The following PXDNL variants were observed in gnomAD, a reference collection of about 807,000 sequenced individuals.
PXDNL encodes peroxidasin like.
PXDNL carries 145 observed loss-of-function variants against 150.8 expected under a neutral mutation model. The ratio of observed to expected loss-of-function variants is 0.96; its 90% CI spans 0.84 to 1.10. The LOEUF is 1.10. Among genes scored for constraint, PXDNL ranks in the 50% least tolerant of loss-of-function variants. The pLI is 0.00. For synonymous variants in PXDNL, 757 were observed against 725.7 expected (o/e 1.04, Z -0.69); for missense variants, 2,087 against 1,873.9 (o/e 1.11, Z -2.10).
At chr8:51,743,713 G>C (rs1218297029) in intron 1 of PXDNL, among the ~76,000 whole-genome samples, 1 of 151,878 alleles carries the variant, frequency 6.6e-6, no homozygotes, top group African/African-American at 2.4e-5. Context: ...GAAATGGTTT[G>C]ACCATTTGGT....
chr8:51,383,008 C>A (rs924429609), intron 17 of PXDNL, among the ~76,000 whole-genome samples: 5 of 152,188 alleles, frequency 3.3e-5, no homozygotes, highest in African/African-American at 1.2e-4. Context: ...CTCACCACAG[C>A]AGCTCCAAGA....
At chr8:51,714,460 C>T (rs529478758) in intron 1 of PXDNL, among the ~76,000 whole-genome samples, 2 of 152,086 alleles carry the variant, frequency 1.3e-5, no homozygotes, top group East Asian at 3.9e-4. Context: ...GCTCTCTGTG[C>T]TTTTAATTTA....
chr8:51,350,679 C>T (rs1411882360), intron 19 of PXDNL, among the ~76,000 whole-genome samples: 1 of 152,158 alleles, frequency 6.6e-6, no homozygotes, highest in Admixed American at 6.5e-5. Context: ...TACCTGGCAG[C>T]GGCCATGACA....
intron 1 of PXDNL, among the ~76,000 whole-genome samples, chr8:51,754,649 G>A (rs970315342): frequency 5.9e-5 from 9 of 151,906 alleles, no homozygotes; most frequent in African/African-American, 1.7e-4. Context: ...GACTACAGGC[G>A]CCCGCCACCA....
intron 1 of PXDNL, among the ~76,000 whole-genome samples, chr8:51,804,080 T>C (rs892226805): frequency 1.3e-5 from 2 of 152,164 alleles, no homozygotes; most frequent in Non-Finnish European, 2.9e-5. Flanking sequence ...TAGAGCACAA[T>C]TCGGTTTTAT....
intron 21 of PXDNL, among the ~76,000 whole-genome samples, chr8:51,325,380 C>T (rs1477059652): frequency 6.6e-6 from 1 of 152,206 alleles, no homozygotes; most frequent in Non-Finnish European, 1.5e-5. Context: ...CACATCATTA[C>T]TGCCATGTGG....
At chr8:51,635,677 G>T (rs1219798129) in intron 2 of PXDNL, among the ~76,000 whole-genome samples, 1 of 151,796 alleles carries the variant, frequency 6.6e-6, no homozygotes, top group Non-Finnish European at 1.5e-5. Context: ...TCTGAGTGGG[G>T]GGCGAAGTAC....
intron 1 of PXDNL, among the ~76,000 whole-genome samples, chr8:51,717,743 G>A (rs1011828939): frequency 6.6e-6 from 1 of 152,228 alleles, no homozygotes; most frequent in Non-Finnish European, 1.5e-5. Flanking sequence ...GGCCTCATTG[G>A]CCCAACCTTT....
chr8:51,439,250 A>G (rs1036180285), intron 12 of PXDNL, among the ~76,000 whole-genome samples: 2 of 152,190 alleles, frequency 1.3e-5, no homozygotes, highest in African/African-American at 4.8e-5. Context: ...CAATCCATCA[A>G]AAAGTGGTCT....
intron 1 of PXDNL, among the ~76,000 whole-genome samples, chr8:51,680,985 A>G (rs1365709055): frequency 4.8e-5 from 1 of 20,946 alleles, no homozygotes; most frequent in Non-Finnish European, 8.1e-5. Flanking sequence ...TCAGTGGGAC[A>G]TGTTGTGGTT....
chr8:51,399,274 G>A (rs976472387), intron 17 of PXDNL, among the ~76,000 whole-genome samples: 3 of 152,122 alleles, frequency 2.0e-5, no homozygotes, highest in South Asian at 2.1e-4. Flanking sequence ...ACAAAAAGAC[G>A]TGCATGTAAG....
At chr8:51,508,500 A>G (rs1811338466) in intron 4 of PXDNL, among the ~76,000 whole-genome samples, 1 of 152,124 alleles carries the variant, frequency 6.6e-6, no homozygotes, top group Admixed American at 6.6e-5. Flanking sequence ...CCTGGCTTCC[A>G]GGATGCCATC....
intron 2 of PXDNL, among the ~76,000 whole-genome samples, chr8:51,628,648 C>T (rs1270034627): frequency 6.6e-6 from 1 of 151,660 alleles, no homozygotes; most frequent in Non-Finnish European, 1.5e-5. Flanking sequence ...TGTGATCCAC[C>T]CACCTTGGCC....
chr8:51,650,752 A>G (rs1323406002), intron 2 of PXDNL, among the ~76,000 whole-genome samples: 1 of 152,228 alleles, frequency 6.6e-6, no homozygotes, highest in Non-Finnish European at 1.5e-5. Context: ...TTGAACAGCA[A>G]AAGTGAGAAT....
At chr8:51,477,877 T>C (rs759708688) in intron 6 of PXDNL, among the ~76,000 whole-genome samples, 28 of 152,178 alleles carry the variant, frequency 1.8e-4, no homozygotes, top group Non-Finnish European at 3.1e-4. Flanking sequence ...ATTTCATTTC[T>C]TTCTAATTAT....
At chr8:51,337,614 C>T (rs753067503) in intron 21 of PXDNL, among the ~76,000 whole-genome samples, 1 of 152,202 alleles carries the variant, frequency 6.6e-6, no homozygotes, top group East Asian at 1.9e-4. Flanking sequence ...CATGGTGGCT[C>T]AGGCCTGTAA....
intron 2 of PXDNL, among the ~76,000 whole-genome samples, chr8:51,626,716 A>C (rs1814367656): frequency 6.6e-6 from 1 of 152,216 alleles, no homozygotes. Context: ...ATGTGAACCA[A>C]AGAGGCAATT....
intron 2 of PXDNL, among the ~76,000 whole-genome samples, chr8:51,633,192 G>A (rs1014046511): frequency 3.9e-5 from 6 of 152,220 alleles, no homozygotes; most frequent in Admixed American, 1.3e-4. Flanking sequence ...AGGATAATGA[G>A]CTCCAGCTGC....
intron 4 of PXDNL, among the ~76,000 whole-genome samples, chr8:51,552,992 GAATAGACATTCC>G (rs1384008439): frequency 2.0e-5 from 3 of 152,192 alleles, no homozygotes; most frequent in African/African-American, 7.2e-5. Context: ...GACATACATA[GAATAGACATTCC>G]AATTACAAAA....
Sources: allele counts gnomAD v4.1 joint callset (sites outside exome capture counted in the v4.1 genomes callset), GRCh38; gene constraint gnomAD v4.1.1; transcripts MANE v1.5; gene names NCBI Gene and HGNC (gene_info 2026-07-23, HGNC 2026-07-21).